Variants in ARFGEF2 observed in about 807,000 individuals in gnomAD.
ARFGEF2 encodes the protein brefeldin A-inhibited guanine nucleotide-exchange protein 2.
Under a neutral mutation model 219.9 loss-of-function variants are expected in ARFGEF2, and 74 were observed. The observed-to-expected ratio is 0.34, with a 90% CI of 0.28 to 0.41. The LOEUF is 0.41. Among genes scored for constraint, ARFGEF2 ranks in the 10% least tolerant of loss-of-function variants. The pLI, the probability that ARFGEF2 is intolerant of heterozygous loss-of-function variation, is 1.00. For missense variants in ARFGEF2, 1,743 were observed against 2,218.3 expected, an observed-to-expected ratio of 0.79 and a Z score of 4.30; for synonymous variants, 733 against 799.2, an observed-to-expected ratio of 0.92 and a Z score of 1.40.
At chr20:49,018,560 G>A (rs932971710) in intron 33 of ARFGEF2, among the ~76,000 whole-genome samples, 2 of 152,138 alleles carry the variant, frequency 1.3e-5, no homozygotes, top group Admixed American at 6.5e-5. Flanking sequence ...TAAAAAACTA[G>A]TTACTGCACT....
At chr20:48,962,208 A>G (rs895925428) in intron 6 of ARFGEF2, among the ~76,000 whole-genome samples, 7 of 152,266 alleles carry the variant, frequency 4.6e-5, no homozygotes, top group African/African-American at 1.7e-4. Flanking sequence ...TAAATAAATA[A>G]CAAACTAATA....
intron 3 of ARFGEF2, among the ~76,000 whole-genome samples, chr20:48,950,844 ATATG>A (rs1379978049): frequency 5.8e-5 from 7 of 119,664 alleles, no homozygotes; most frequent in East Asian, 4.8e-4. Context: ...ATATATATAT[ATATG>A]TATGTATATA....
intron 36 of ARFGEF2, among the ~76,000 whole-genome samples, chr20:49,027,036 C>G (rs772347573): frequency 4.6e-5 from 7 of 151,868 alleles, no homozygotes; most frequent in Non-Finnish European, 1.0e-4. Context: ...ATCTCTTAAG[C>G]TGATTGGTAC....
intron 8 of ARFGEF2, among the ~76,000 whole-genome samples, chr20:48,966,966 C>T (rs533884690): frequency 1.3e-5 from 2 of 152,288 alleles, no homozygotes; most frequent in East Asian, 3.9e-4. Context: ...GCCACTTCAG[C>T]CCCCTGAGTA....
chr20:49,017,029 T>C (rs2091535016), intron 31 of ARFGEF2, among the ~76,000 whole-genome samples: 1 of 152,206 alleles, frequency 6.6e-6, no homozygotes, highest in Admixed American at 6.5e-5. Flanking sequence ...TAGCAAAATG[T>C]TGACCTTTCT....
intron 1 of ARFGEF2, among the ~76,000 whole-genome samples, chr20:48,934,063 T>G (rs2090931134): frequency 1.5e-5 from 2 of 133,966 alleles, no homozygotes; most frequent in Non-Finnish European, 3.0e-5. Flanking sequence ...GAGGTTGCAG[T>G]GAGCCAAGAA....
rs959925086 is a variant in ARFGEF2 at position 48,989,172 on chromosome 20, A to C, written c.2534-113A>C. On this transcript the variant is annotated intron_variant, in intron 18 of 38. Coordinates refer to ENST00000371917, the MANE Select transcript of ARFGEF2 (RefSeq NM_006420.3). Reference sequence around the variant, plus strand: ...TAATAATATTTGTAATGGACTCACGAGATGGTTGGGAGGATTTAGGAGTTA... The same window carrying C: ...TAATAATATTTGTAATGGACTCACGCGATGGTTGGGAGGATTTAGGAGTTA... The C allele has an allele frequency of 4.7e-5, 57 of 1,214,386 alleles. No homozygotes were observed. In the African/African-American group the frequency reaches 7.9e-4, roughly 17 times the overall value. 75.2% of individuals were successfully genotyped at this position (1,214,386 alleles called of 1,614,324 possible).
intron 1 of ARFGEF2, among the ~76,000 whole-genome samples, chr20:48,924,942 T>A (rs147617698): frequency 5.9e-5 from 9 of 152,338 alleles, no homozygotes; most frequent in Non-Finnish European, 1.0e-4. Context: ...CTATTACTTT[T>A]TTATTATTAT....
intron 14 of ARFGEF2, 122 bp downstream of exon 14, chr20:48,976,321 C>G: frequency 8.0e-7 from 1 of 1,248,022 alleles, no homozygotes; most frequent in South Asian, 1.3e-5. Context: ...GCACTTGTAG[C>G]TAAGCCTGAT....
At chr20:48,943,830 C>T (rs979137671) in intron 3 of ARFGEF2, among the ~76,000 whole-genome samples, 1 of 152,206 alleles carries the variant, frequency 6.6e-6, no homozygotes, top group African/African-American at 2.4e-5. Flanking sequence ...CCACAGCTTG[C>T]CAATACTTTC....
intron 36 of ARFGEF2, among the ~76,000 whole-genome samples, chr20:49,026,938 A>G (rs947519464): frequency 3.3e-5 from 5 of 152,040 alleles, no homozygotes; most frequent in Admixed American, 1.3e-4. Context: ...ACAATTAAAG[A>G]ATGTCATTTT....
chr20:48,967,350 T>C (rs1027350083), intron 8 of ARFGEF2, among the ~76,000 whole-genome samples: 2 of 152,234 alleles, frequency 1.3e-5, no homozygotes, highest in Admixed American at 6.5e-5. Context: ...CAATTCCCTA[T>C]TGGGTTTTTA....
At chr20:48,930,190 C>T (rs1012676729) in intron 1 of ARFGEF2, among the ~76,000 whole-genome samples, 3 of 152,136 alleles carry the variant, frequency 2.0e-5, no homozygotes, top group Admixed American at 1.3e-4. Flanking sequence ...TGGCGGAAGG[C>T]GAGAGAGGAA....
intron 8 of ARFGEF2, among the ~76,000 whole-genome samples, chr20:48,968,427 T>C (rs529355063): frequency 6.9e-6 from 1 of 144,156 alleles, no homozygotes; most frequent in East Asian, 2.0e-4. Context: ...TTTTTTTTAC[T>C]TTTTTTTTTT....
chr20:49,031,978 G>T, intron 37 of ARFGEF2, 71 bp from the exon 38 acceptor site: 2 of 1,053,060 alleles, frequency 1.9e-6, no homozygotes, highest in South Asian at 1.3e-5. Flanking sequence ...GCACAAGAAT[G>T]AATAGTTCTC....
intron 25 of ARFGEF2, among the ~76,000 whole-genome samples, chr20:48,999,563 T>C (rs976930774): frequency 1.3e-5 from 2 of 151,884 alleles, no homozygotes; most frequent in African/African-American, 4.8e-5. Context: ...CTGGCTAACA[T>C]GGTGAAACCC....
chr20:48,996,647 G>A (rs1320249716), intron 23 of ARFGEF2, among the ~76,000 whole-genome samples: 1 of 151,762 alleles, frequency 6.6e-6, no homozygotes, highest in African/African-American at 2.4e-5. Flanking sequence ...GGGAGGCTGA[G>A]GCAGGGGAAT....
chr20:49,031,770 G>A (rs922519783), intron 37 of ARFGEF2, among the ~76,000 whole-genome samples: 3 of 151,876 alleles, frequency 2.0e-5, no homozygotes, highest in Non-Finnish European at 4.4e-5. Flanking sequence ...AAAAAAATTA[G>A]CCAGGCATGG....
intron 6 of ARFGEF2, among the ~76,000 whole-genome samples, chr20:48,955,867 G>A (rs922625905): frequency 6.6e-6 from 1 of 152,208 alleles, no homozygotes; most frequent in African/African-American, 2.4e-5. Context: ...GAGGCCAGGA[G>A]TTTGAGGCTG....
Sources: gnomAD v4.1 joint callset for allele counts (sites outside exome capture counted in the v4.1 genomes callset) on GRCh38, gnomAD v4.1.1 for gene constraint, MANE v1.5 for transcripts, NCBI Gene and HGNC (gene_info 2026-07-23, HGNC 2026-07-21) for gene names.